Variants in SPTBN1 observed in about 807,000 individuals in gnomAD.
SPTBN1 encodes spectrin beta chain, non-erythrocytic 1.
In SPTBN1, 32 loss-of-function variants were observed where a neutral mutation model predicts 266.4. That is an observed-to-expected ratio of 0.12 (90% CI 0.09 to 0.16). SPTBN1 has a LOEUF of 0.16. Ranked by LOEUF, SPTBN1 falls within the 10% of genes least tolerant of loss-of-function variation. The probability of loss-of-function intolerance (pLI) is 1.00; values close to 1 mark genes in which losing one functional copy is unlikely to be tolerated. For synonymous variants in SPTBN1, 1,336 were observed against 1,162.2 expected, an observed-to-expected ratio of 1.15 and a Z score of -3.04; for missense variants, 2,296 against 3,067.1, an observed-to-expected ratio of 0.75 and a Z score of 5.94.
At chr2:54,522,122 TA>T (rs2104295386) in intron 1 of SPTBN1, among the ~76,000 whole-genome samples, 1 of 149,204 alleles carries the variant, frequency 6.7e-6, no homozygotes, top group Non-Finnish European at 1.5e-5. Flanking sequence ...GTCTGGTCTT[TA>T]ACGCCTGGGC....
chr2:54,486,078 C>A (rs1237223607), intron 1 of SPTBN1, among the ~76,000 whole-genome samples: 5 of 150,804 alleles, frequency 3.3e-5, no homozygotes, highest in African/African-American at 1.2e-4. Flanking sequence ...CGGCCAGCCA[C>A]CCTGTCCGGG....
intron 17 of SPTBN1, among the ~76,000 whole-genome samples, chr2:54,635,315 C>G (rs1679045299): frequency 6.6e-6 from 1 of 152,220 alleles, no homozygotes; most frequent in South Asian, 2.1e-4. Context: ...AACCATTAAG[C>G]CACACTCACT....
At chr2:54,499,916 T>C (rs1199828606) in intron 1 of SPTBN1, among the ~76,000 whole-genome samples, 5 of 152,252 alleles carry the variant, frequency 3.3e-5, no homozygotes, top group Middle Eastern at 6.3e-3. Flanking sequence ...GCAGCTGTTA[T>C]GCTGGGTACT....
At position 54,664,556 on chromosome 2, in the gene SPTBN1, A is replaced by G. The variant is rs771820180; in HGVS notation, c.6524A>G (p.Lys2175Arg). 6.2e-7 allele frequency: 1 copy of G among 1,614,144 alleles called. No homozygotes were observed. Among genetic ancestry groups the G allele is most frequent in the Non-Finnish European group, 8.5e-7 (1 of 1,180,026 alleles). ...SPIPSPTSDR[K>R]AKTALPAQSA... ...ATCCCCTCCCCGACCTCTGATCGTA[A>G]AGCCAAGACTGCCCTCCCAGCCCAG... Residue 2175 changes from lysine (K) to arginine (R), a missense_variant, in exon 33 of 36, where the codon AAA becomes AGA. Physicochemically the swap from Lys to Arg is conservative, Grantham distance 26 (BLOSUM62 2). This residue lies in a region of SPTBN1 where 347 missense variants were observed against 368.5 expected (regional missense o/e 0.94). Coordinates refer to ENST00000356805, the MANE Select transcript of SPTBN1 (RefSeq NM_003128.3). The surrounding 1 kb of genome is among the most constrained non-coding windows in gnomAD (Gnocchi z 5.6).
chr2:54,653,882 A>C lies in SPTBN1; in HGVS notation c.5822+29A>C. On this transcript the variant is annotated intron_variant, in intron 27 of 35. Coordinates refer to ENST00000356805, the MANE Select transcript of SPTBN1 (RefSeq NM_003128.3). The surrounding 1 kb of genome is among the most constrained non-coding windows in gnomAD (Gnocchi z 5.1). ...ACGCTTTCAGCCCAAAGGAAATTGG[A>C]CTTATTGGCGCTTGGTTAAAACACA... 1 of 1,596,462 alleles carries C rather than the reference A, an allele frequency of 6.3e-7. No homozygotes were observed. The highest frequency in any genetic ancestry group is 8.5e-7 in the Non-Finnish European group (1 of 1,175,838).
chr2:54,580,450 G>A (rs959039533), intron 2 of SPTBN1, among the ~76,000 whole-genome samples: 1 of 152,094 alleles, frequency 6.6e-6, no homozygotes, highest in Non-Finnish European at 1.5e-5. Context: ...AATACATAAA[G>A]AGCACATTTC....
At chr2:54,598,045 T>C (rs575753055) in intron 2 of SPTBN1, among the ~76,000 whole-genome samples, 8 of 152,256 alleles carry the variant, frequency 5.3e-5, no homozygotes, top group African/African-American at 1.9e-4. Context: ...GGGTACGTTC[T>C]GTGGATGTCT....
chr2:54,519,554 T>C (rs988814135), intron 1 of SPTBN1, among the ~76,000 whole-genome samples: 5 of 152,122 alleles, frequency 3.3e-5, no homozygotes, highest in Admixed American at 2.6e-4. Flanking sequence ...CTCTCAGGAG[T>C]TGCAAGAGCT....
In SPTBN1 at chr2:54,486,281, G is replaced by C. The variant is rs574504658; in HGVS notation, c.-48+29763G>C. 2.3e-3 allele frequency among the ~76,000 whole-genome samples: 345 copies of C among 152,220 alleles called. 1 individual carries two copies. Among genetic ancestry groups the C allele is most frequent in the African/African-American group, 7.8e-3 (324 of 41,516 alleles). On this transcript the variant is annotated intron_variant, in intron 1 of 35. Transcript: ENST00000356805. ...ATGGCGGTTTTGTGGAATAGAAAGG[G>C]GGGAAAGGTGGGGAAAAGACTGAGA...
In SPTBN1 at chr2:54,464,311, G is replaced by A. The variant is rs565403319; in HGVS notation, c.-48+7793G>A. On this transcript the variant is annotated intron_variant, in intron 1 of 35. Transcript: ENST00000356805. Reference sequence around the variant, plus strand: ...GGAACATAATCAAATAAATTATGGCGCAACTGTAGGGTGGAATTCAATGTA... The same window carrying A: ...GGAACATAATCAAATAAATTATGGCACAACTGTAGGGTGGAATTCAATGTA... 5.9e-5 allele frequency among the ~76,000 whole-genome samples: 9 copies of A among 152,262 alleles called. 1 individual carries two copies. The South Asian group carries it at 8.3e-4, about 14-fold the overall frequency.
intron 2 of SPTBN1, among the ~76,000 whole-genome samples, chr2:54,544,547 CTGTT>C (rs1040814298): frequency 4.9e-4 from 74 of 152,166 alleles, no homozygotes; most frequent in East Asian, 3.9e-4. Flanking sequence ...TCATTTTTGT[CTGTT>C]TGTTTCTGAC....
At chr2:54,634,657 C>G (rs189865995) in intron 17 of SPTBN1, among the ~76,000 whole-genome samples, 111 of 152,270 alleles carry the variant, frequency 7.3e-4, no homozygotes, top group African/African-American at 2.6e-3. Flanking sequence ...TGTAGGAGCA[C>G]AAACTAAGTA....
chr2:54,667,117 T>C (rs146774071), intron 34 of SPTBN1, among the ~76,000 whole-genome samples: 2 of 152,318 alleles, frequency 1.3e-5, no homozygotes, highest in South Asian at 4.1e-4. Context: ...GTCACACTAA[T>C]AGGGCTTCTT....
At chr2:54,479,414 G>T (rs530072352) in intron 1 of SPTBN1, among the ~76,000 whole-genome samples, 1 of 152,316 alleles carries the variant, frequency 6.6e-6, no homozygotes, top group Non-Finnish European at 1.5e-5. Context: ...GTTAGGTTCT[G>T]TTTCTTGGAG....
chr2:54,485,152 C>CTCTCCTTCTCCCTCTCCCTCCG (rs1553431793), intron 1 of SPTBN1, among the ~76,000 whole-genome samples: 16 of 149,300 alleles, frequency 1.1e-4, no homozygotes, highest in Non-Finnish European at 2.2e-4. Flanking sequence ...TCGCCTCTCC[C>CTCTCCTTCTCCCTCTCCCTCCG]TCTCCCTCTC....
At chr2:54,502,805 G>C (rs1049868602) in intron 1 of SPTBN1, among the ~76,000 whole-genome samples, 1 of 152,208 alleles carries the variant, frequency 6.6e-6, no homozygotes, top group African/African-American at 2.4e-5. Context: ...GCTTCTAGAT[G>C]GAGGTTCCTG....
chr2:54,506,535 G>A (rs1669566001), intron 1 of SPTBN1, among the ~76,000 whole-genome samples: 1 of 151,722 alleles, frequency 6.6e-6, no homozygotes, highest in African/African-American at 2.4e-5. Context: ...CTTCTTGATA[G>A]TAGAGGAATT....
intron 1 of SPTBN1, among the ~76,000 whole-genome samples, chr2:54,485,255 G>C (rs1356089172): frequency 6.6e-6 from 1 of 151,056 alleles, no homozygotes; most frequent in East Asian, 2.0e-4. Context: ...AAGCTGGACT[G>C]TACTGCTCCC....
In SPTBN1 at chr2:54,558,395, G is replaced by A; in HGVS notation, c.148+31829G>A. 2 of 1,013,564 alleles carry A rather than the reference G, an allele frequency of 2.0e-6. No homozygotes were observed. Among genetic ancestry groups the A allele is most frequent in the Non-Finnish European group, 2.4e-6 (2 of 848,102 alleles). 62.8% of individuals were successfully genotyped at this position (1,013,564 alleles called of 1,614,324 possible). On this transcript the variant is annotated intron_variant, in intron 2 of 35. Transcript: ENST00000356805. The surrounding 1 kb of genome is among the most constrained non-coding windows in gnomAD (Gnocchi z 4.6). ...GGCCGCCGCGGGCAGCTGGGAGGAG[G>A]TGTGCGCGCTGCGCCCGCGAGCTCC...
Sources: gnomAD v4.1 joint callset for allele counts (sites outside exome capture counted in the v4.1 genomes callset) on GRCh38, gnomAD v4.1.1 for gene constraint, gnomAD v4.1.1 regional missense constraint, Gnocchi (gnomAD v3.1) non-coding constraint, MANE v1.5 for transcripts, NCBI Gene and HGNC (gene_info 2026-07-23, HGNC 2026-07-21) for gene names.